SLIT3: variants seen among roughly 807,000 people sequenced by gnomAD.
SLIT3 encodes the protein slit guidance ligand 3.
SLIT3 carries 68 observed loss-of-function variants against 184.0 expected under a neutral mutation model. The ratio of observed to expected loss-of-function variants is 0.37; its 90% CI spans 0.30 to 0.45. The LOEUF (loss-of-function observed/expected upper bound fraction) is 0.45, where lower values mean the gene tolerates loss of function less well. Among genes scored for constraint, SLIT3 ranks in the 20% least tolerant of loss-of-function variants. The pLI, the probability that SLIT3 is intolerant of heterozygous loss-of-function variation, is 1.00. For synonymous variants in SLIT3, 831 were observed against 828.6 expected (o/e 1.00, Z -0.05); for missense variants, 1,707 against 2,026.0 (o/e 0.84, Z 3.02).
intron 1 of SLIT3, among the ~76,000 whole-genome samples, chr5:169,298,700 A>G (rs1423540702): frequency 6.6e-6 from 1 of 152,190 alleles, no homozygotes; most frequent in Non-Finnish European, 1.5e-5. Context: ...TGACCAGGAG[A>G]GTGATAACGG....
At chr5:168,782,885 T>C (rs964405221) in intron 12 of SLIT3, among the ~76,000 whole-genome samples, 3 of 152,204 alleles carry the variant, frequency 2.0e-5, no homozygotes, top group Non-Finnish European at 4.4e-5. Flanking sequence ...CCGCAGGAAC[T>C]GAACGTGTTT....
intron 4 of SLIT3, among the ~76,000 whole-genome samples, chr5:169,190,016 A>T (rs1763498505): frequency 6.6e-6 from 1 of 152,200 alleles, no homozygotes; most frequent in Non-Finnish European, 1.5e-5. Flanking sequence ...TACATTTCAC[A>T]TCCCCTCTTC....
chr5:168,804,532 G>T (rs966066580), intron 9 of SLIT3, among the ~76,000 whole-genome samples: 5 of 152,062 alleles, frequency 3.3e-5, no homozygotes, highest in Admixed American at 2.0e-4. Flanking sequence ...GGACCACAGG[G>T]ACTGAAGGAG....
chr5:168,682,031 A>G (rs994580772), intron 32 of SLIT3, among the ~76,000 whole-genome samples: 2 of 152,254 alleles, frequency 1.3e-5, no homozygotes, highest in Non-Finnish European at 2.9e-5. Flanking sequence ...AATGCTTCAC[A>G]GGCTGCCCTG....
In SLIT3 at chr5:169,241,486, C is replaced by T. The variant is rs537512904; in HGVS notation, c.341+3219G>A. Among the ~76,000 whole-genome samples the T allele has an allele frequency of 3.2e-4, 49 of 152,258 alleles. 1 individual carries two copies. Among genetic ancestry groups the T allele is most frequent in the South Asian group, 6.2e-4 (3 of 4,822 alleles). On this transcript the variant is annotated intron_variant, in intron 3 of 35. Coordinates refer to ENST00000519560, the MANE Select transcript of SLIT3 (RefSeq NM_003062.4). ...TTAAAGATGTTGAGATATTCCTATA[C>T]CCCATCGGCTGGGTGGCATCTCCCA...
chr5:169,088,092 C>A (rs1256075600), intron 4 of SLIT3, among the ~76,000 whole-genome samples: 1 of 152,196 alleles, frequency 6.6e-6, no homozygotes, highest in African/African-American at 2.4e-5. Flanking sequence ...GCATGGTAGC[C>A]ATTCCCTACC....
chr5:169,042,599 A>G (rs1329743827), intron 4 of SLIT3, among the ~76,000 whole-genome samples: 2 of 152,208 alleles, frequency 1.3e-5, no homozygotes, highest in Non-Finnish European at 2.9e-5. Context: ...CCTGATGAAG[A>G]ATGAGATTAG....
At chr5:168,927,946 T>C (rs1199825551) in intron 4 of SLIT3, among the ~76,000 whole-genome samples, 6 of 152,250 alleles carry the variant, frequency 3.9e-5, no homozygotes, top group Non-Finnish European at 8.8e-5. Context: ...GCAGGATGGA[T>C]CTCTGCTTTA....
Position 168,687,126 on chromosome 5 carries a change from A to T in SLIT3, c.3177-10T>A, listed in dbSNP as rs1561874635. 1.9e-6 allele frequency: 3 copies of T among 1,612,238 alleles called. No individual in the cohort carries two copies. Among genetic ancestry groups the T allele is most frequent in the Non-Finnish European group, 2.5e-6 (3 of 1,178,360 alleles). On this transcript the variant is annotated splice_polypyrimidine_tract_variant and intron_variant, in intron 29 of 35. Transcript: ENST00000519560. The stretch of plus-strand genomic sequence containing the variant: ...AGGGACACACTCGCAGCTGGAACAT[A>T]GGCAGAGGCAAGGCCGTTCCTCAAG...
chr5:168,926,582 G>T (rs1175228681), intron 4 of SLIT3, among the ~76,000 whole-genome samples: 2 of 152,086 alleles, frequency 1.3e-5, no homozygotes, highest in Non-Finnish European at 2.9e-5. Flanking sequence ...CTACAATCTG[G>T]ATCTAACCGT....
intron 4 of SLIT3, among the ~76,000 whole-genome samples, chr5:169,039,519 A>T (rs7700460): frequency 2.6e-5 from 4 of 151,770 alleles, no homozygotes; most frequent in African/African-American, 9.7e-5. Flanking sequence ...GGGTTTCACC[A>T]TGTTAGCCGG....
At chr5:168,737,184 C>T (rs778763513) in intron 20 of SLIT3, among the ~76,000 whole-genome samples, 11 of 152,092 alleles carry the variant, frequency 7.2e-5, no homozygotes, top group South Asian at 2.1e-4. Context: ...TCATCTGCTG[C>T]GTCGCACTCC....
chr5:169,211,130 G>A (rs62376890), intron 3 of SLIT3, among the ~76,000 whole-genome samples: 26,367 of 152,068 alleles, frequency 0.17, 2,576 homozygotes, highest in East Asian at 0.44. Flanking sequence ...AAACCCAACT[G>A]AGCCCAGCTA....
intron 6 of SLIT3, among the ~76,000 whole-genome samples, chr5:168,834,203 C>G (rs967961840): frequency 6.6e-6 from 1 of 152,110 alleles, no homozygotes; most frequent in African/African-American, 2.4e-5. Context: ...AGGGCTCAGG[C>G]AGGGGAGTGA....
At chr5:168,713,563 T>A (rs960984007) in intron 23 of SLIT3, among the ~76,000 whole-genome samples, 4 of 152,244 alleles carry the variant, frequency 2.6e-5, no homozygotes, top group Non-Finnish European at 5.9e-5. Context: ...GGGTAAGGAC[T>A]AACAACTTTA....
chr5:168,958,676 T>C (rs1297511750), intron 4 of SLIT3, among the ~76,000 whole-genome samples: 1 of 152,200 alleles, frequency 6.6e-6, no homozygotes. Flanking sequence ...TTGATATAGA[T>C]TGGGAAGACT....
chr5:168,776,209 T>C (rs532932678), intron 12 of SLIT3, among the ~76,000 whole-genome samples: 2 of 152,246 alleles, frequency 1.3e-5, no homozygotes, highest in East Asian at 1.9e-4. Flanking sequence ...AAATCATCCA[T>C]GCCACCTCTC....
intron 20 of SLIT3, among the ~76,000 whole-genome samples, chr5:168,741,344 A>G (rs927335702): frequency 5.9e-5 from 9 of 151,814 alleles, no homozygotes; most frequent in African/African-American, 1.7e-4. Flanking sequence ...GGTGGCGGGC[A>G]CCTGTAGTCC....
intron 4 of SLIT3, among the ~76,000 whole-genome samples, chr5:168,967,660 T>A (rs1172132129): frequency 1.4e-5 from 2 of 139,652 alleles, no homozygotes; most frequent in Non-Finnish European, 3.3e-5. Context: ...CGGGATGGTC[T>A]CGATCTCCTG....
Sources: allele counts gnomAD v4.1 joint callset (sites outside exome capture counted in the v4.1 genomes callset), GRCh38; gene constraint gnomAD v4.1.1; transcripts MANE v1.5; gene names NCBI Gene and HGNC (gene_info 2026-07-23, HGNC 2026-07-21).